CAMTA1: variants seen among roughly 807,000 people sequenced by gnomAD.
The protein encoded by CAMTA1 is calmodulin binding transcription activator 1.
Under a neutral mutation model 170.9 loss-of-function variants are expected in CAMTA1, and 27 were observed. The ratio of observed to expected loss-of-function variants is 0.16; its 90% CI spans 0.12 to 0.22. The LOEUF is 0.22. Ranked by LOEUF, CAMTA1 falls within the 10% of genes least tolerant of loss-of-function variation. The probability of loss-of-function intolerance (pLI) is 1.00; values close to 1 mark genes in which losing one functional copy is unlikely to be tolerated. For synonymous variants in CAMTA1, 833 were observed against 891.5 expected (o/e 0.93, Z 1.17); for missense variants, 1,619 against 2,217.2 (o/e 0.73, Z 5.42).
At chr1:7,663,071 C>T (rs1331505775) in intron 8 of CAMTA1, among the ~76,000 whole-genome samples, 1 of 152,234 alleles carries the variant, frequency 6.6e-6, no homozygotes, top group East Asian at 1.9e-4. Flanking sequence ...TTCCCAACTT[C>T]CCATATGCTT....
intron 3 of CAMTA1, among the ~76,000 whole-genome samples, chr1:6,839,878 G>A (rs1557671977): frequency 6.6e-6 from 1 of 152,316 alleles, no homozygotes; most frequent in Admixed American, 6.5e-5. Context: ...GTAAGGGCTA[G>A]ATCTTGTTGT....
At chr1:6,898,411 G>A (rs1451843830) in intron 3 of CAMTA1, among the ~76,000 whole-genome samples, 1 of 152,122 alleles carries the variant, frequency 6.6e-6, no homozygotes, top group South Asian at 2.1e-4. Context: ...AAATTAGCTG[G>A]GCATGGTGGC....
chr1:6,844,870 A>G (rs564492651), intron 3 of CAMTA1, among the ~76,000 whole-genome samples: 57 of 152,280 alleles, frequency 3.7e-4, no homozygotes, highest in African/African-American at 1.3e-3. Context: ...ATGCTAAGCT[A>G]TTGTTTAAGG....
chr1:7,372,161 C>T (rs2086522677), intron 5 of CAMTA1, among the ~76,000 whole-genome samples: 2 of 152,178 alleles, frequency 1.3e-5, no homozygotes, highest in Admixed American at 1.3e-4. Flanking sequence ...GCTTAGCCGT[C>T]CTCCTATCCT....
intron 3 of CAMTA1, among the ~76,000 whole-genome samples, chr1:7,030,811 T>C (rs548442862): frequency 6.6e-6 from 1 of 151,898 alleles, no homozygotes; most frequent in East Asian, 1.9e-4. Context: ...TGGTTGATGG[T>C]GTTGTTCAAG....
chr1:7,469,090 C>T (rs182145267), intron 6 of CAMTA1, among the ~76,000 whole-genome samples: 92 of 152,326 alleles, frequency 6.0e-4, no homozygotes, highest in Non-Finnish European at 1.1e-3. Context: ...CAGAAATAGC[C>T]GTCTGTTGTT....
chr1:7,234,159 G>A lies in CAMTA1; in HGVS notation c.303-15332G>A, dbSNP rs1574081471. Among the ~76,000 whole-genome samples, 2 of 152,090 alleles carry A rather than the reference G, an allele frequency of 1.3e-5. No homozygotes were observed. Among genetic ancestry groups the A allele is most frequent in the African/African-American group, 4.8e-5 (2 of 41,392 alleles). On this transcript the variant is annotated intron_variant, in intron 4 of 22. Coordinates refer to ENST00000303635, the MANE Select transcript of CAMTA1 (RefSeq NM_015215.4). This position sits in a 1 kb window ranked among gnomAD's most constrained non-coding sequence, Gnocchi z 5.0. ...GAGCCCAGATTACTTGGGGTGAGCC[G>A]CTCTCTCGCCCCGTCTCCTGCCCCT...
chr1:6,947,382 T>A (rs1687743582), intron 3 of CAMTA1, among the ~76,000 whole-genome samples: 1 of 152,108 alleles, frequency 6.6e-6, no homozygotes, highest in South Asian at 2.1e-4. Flanking sequence ...CTTTAATTTT[T>A]TTTTTTTTGT....
chr1:6,939,915 C>T (rs1686141090), intron 3 of CAMTA1, among the ~76,000 whole-genome samples: 29 of 152,282 alleles, frequency 1.9e-4, no homozygotes, highest in Admixed American at 1.9e-3. Flanking sequence ...GGGCACAGAG[C>T]AGGCATGAGC....
chr1:7,601,360 C>T (rs1042307865), intron 6 of CAMTA1, among the ~76,000 whole-genome samples: 13 of 151,104 alleles, frequency 8.6e-5, no homozygotes, highest in East Asian at 3.9e-4. Flanking sequence ...AGGGCAGAGG[C>T]GCTCCCCACA....
chr1:7,519,468 A>G (rs2094331348), intron 6 of CAMTA1, among the ~76,000 whole-genome samples: 1 of 152,064 alleles, frequency 6.6e-6, no homozygotes, highest in South Asian at 2.1e-4. Context: ...GAGGCATTCA[A>G]GGAGCCTTGG....
At chr1:7,316,322 G>A (rs1172459684) in intron 5 of CAMTA1, among the ~76,000 whole-genome samples, 2 of 152,148 alleles carry the variant, frequency 1.3e-5, no homozygotes, top group Non-Finnish European at 1.5e-5. Flanking sequence ...AATCTGATAT[G>A]ACCTCTTCTT....
intron 5 of CAMTA1, among the ~76,000 whole-genome samples, chr1:7,404,888 A>C (rs944961675): frequency 1.3e-5 from 2 of 152,230 alleles, no homozygotes; most frequent in Non-Finnish European, 2.9e-5. Context: ...GTTCATGACT[A>C]GCAGAAAATA....
intron 5 of CAMTA1, among the ~76,000 whole-genome samples, chr1:7,339,335 G>A (rs951740931): frequency 1.3e-5 from 2 of 152,232 alleles, no homozygotes; most frequent in Non-Finnish European, 2.9e-5. Context: ...AGCTAGGTGA[G>A]TGTGGAGTAT....
chr1:7,552,079 A>G (rs1218388879), intron 6 of CAMTA1, among the ~76,000 whole-genome samples: 1 of 152,250 alleles, frequency 6.6e-6, no homozygotes, highest in Non-Finnish European at 1.5e-5. Context: ...GGGAGACGGT[A>G]GAACTTGGAT....
chr1:6,826,331 T>G (rs1222115693), intron 3 of CAMTA1, among the ~76,000 whole-genome samples: 1 of 152,222 alleles, frequency 6.6e-6, no homozygotes, highest in Non-Finnish European at 1.5e-5. Context: ...ATAAATTACA[T>G]TTTCCCGTCA....
chr1:6,794,306 A>T (rs915260376), intron 1 of CAMTA1, among the ~76,000 whole-genome samples: 17 of 152,238 alleles, frequency 1.1e-4, no homozygotes, highest in Admixed American at 3.3e-4. Context: ...ATTTAAAAAG[A>T]TTCAAGAGAA....
In CAMTA1 at chr1:7,224,822, C is replaced by T. The variant is rs1661411994; in HGVS notation, c.303-24669C>T. Among the ~76,000 whole-genome samples the T allele has an allele frequency of 8.6e-6, 1 of 116,304 alleles. No homozygotes were observed. Among genetic ancestry groups the T allele is most frequent in the South Asian group, 2.1e-4 (1 of 4,652 alleles). The allele number at this position is 116,304 out of a possible 152,430, so 76.3% of individuals were successfully genotyped here. A position where few individuals can be genotyped will look rare whatever the true frequency, so the allele number is the denominator to read the frequency against. ...AGCTGCTCCATGTCGTCTGGATGGT[C>T]CGTTGGCACCCTGCCCACCGCACTT... is the stretch of plus-strand genomic sequence containing the variant. On this transcript the variant is annotated intron_variant, in intron 4 of 22. Transcript: ENST00000303635. The surrounding 1 kb of genome is among the most constrained non-coding windows in gnomAD (Gnocchi z 5.2).
Position 7,250,308 on chromosome 1 carries a change from A to G in CAMTA1, c.438+682A>G, listed in dbSNP as rs1160832389. On this transcript the variant is annotated intron_variant, in intron 5 of 22. Transcript: ENST00000303635. ...TTGCCATCGTTTGAGGGCCTGAGCC[A>G]TGTGTCACAGCCGTAGAGGGGGAGG... Among the ~76,000 whole-genome samples the G allele has an allele frequency of 2.6e-5, 4 of 152,206 alleles. No individual in the cohort carries two copies. The East Asian group carries it at 7.7e-4, about 29-fold the overall frequency.
Sources: gnomAD v4.1 joint callset for allele counts (sites outside exome capture counted in the v4.1 genomes callset) on GRCh38, gnomAD v4.1.1 for gene constraint, Gnocchi (gnomAD v3.1) non-coding constraint, MANE v1.5 for transcripts, NCBI Gene and HGNC (gene_info 2026-07-23, HGNC 2026-07-21) for gene names.